Variants in IFI44L observed in about 807,000 individuals in gnomAD.
IFI44L encodes the protein interferon-induced protein 44-like.
IFI44L carries 40 observed loss-of-function variants against 39.3 expected under a neutral mutation model. The observed-to-expected ratio is 1.02, with a 90% CI of 0.79 to 1.33. The LOEUF (loss-of-function observed/expected upper bound fraction) is 1.33, where lower values mean the gene tolerates loss of function less well. IFI44L is among the 40% of genes most tolerant of loss of function. The pLI is 0.00. For synonymous variants in IFI44L, 198 were observed against 182.3 expected (o/e 1.09, Z -0.69); for missense variants, 623 against 549.0 (o/e 1.13, Z -1.35).
At position 78,635,490 on chromosome 1, in the gene IFI44L, G is replaced by C. The variant is rs754989895; in HGVS notation, c.876+1G>C. On this transcript the variant is annotated splice_donor_variant, in intron 5 of 8. Transcript: ENST00000370751. LOFTEE classifies it high-confidence loss of function. ...AGGTTGTATGCCAGACAGATATCAG[G>C]TAAGATTTCTTCAATATCCAAAACA... 1 of 1,608,624 alleles carries C rather than the reference G, an allele frequency of 6.2e-7. No homozygotes were observed. Among genetic ancestry groups the C allele is most frequent in the Non-Finnish European group, 8.5e-7 (1 of 1,178,092 alleles).
intron 1 of IFI44L, chr1:78,620,849 C>T: frequency 6.6e-6 from 1 of 152,070 alleles, no homozygotes; most frequent in Non-Finnish European, 1.5e-5. Flanking sequence ...AACCATTAAC[C>T]AACCTCTTTT....
rs1011289777 is a variant in IFI44L, at chr1:78,622,227, C to A, written c.-11+1656C>A. ...CTAGGTTATTTCACTTAATATTCTC[C>A]AGTTCCGTCCATGTTGCTGCAAATG... On this transcript the variant is annotated intron_variant, in intron 1 of 8. Coordinates refer to ENST00000370751, the MANE Select transcript of IFI44L (RefSeq NM_006820.4). Among the ~76,000 whole-genome samples, 9 of 152,232 alleles carry A rather than the reference C, an allele frequency of 5.9e-5. No homozygotes were observed. In the South Asian group the frequency reaches 1.7e-3, roughly 28 times the overall value.
intron 6 of IFI44L, among the ~76,000 whole-genome samples, chr1:78,638,727 G>A (rs921706521): frequency 1.3e-5 from 2 of 151,984 alleles, no homozygotes; most frequent in Non-Finnish European, 2.9e-5. Context: ...TTTCAAGAAT[G>A]TTCCTACTTG....
intron 4 of IFI44L, among the ~76,000 whole-genome samples, chr1:78,634,299 CAAAG>C (rs1652859678): frequency 6.6e-6 from 1 of 151,780 alleles, no homozygotes; most frequent in South Asian, 2.1e-4. Flanking sequence ...ATATCAAAGA[CAAAG>C]AGAGGATTCT....
chr1:78,627,174 A>G (rs1329718312), intron 1 of IFI44L: 1 of 151,962 alleles, frequency 6.6e-6, no homozygotes, highest in Non-Finnish European at 1.5e-5. Flanking sequence ...ACTTCTCCAA[A>G]TCTTTGCCAA....
chr1:78,635,701 A>T, intron 5 of IFI44L: 1 of 551,936 alleles, frequency 1.8e-6, no homozygotes, highest in African/African-American at 1.9e-5. Flanking sequence ...AAAAGGCAGG[A>T]TTCTACTCAT....
intron 1 of IFI44L, among the ~76,000 whole-genome samples, chr1:78,621,167 T>A (rs1652259760): frequency 6.6e-6 from 1 of 152,230 alleles, no homozygotes; most frequent in South Asian, 2.1e-4. Flanking sequence ...CTGATATAGT[T>A]TTATCCAATT....
At chr1:78,637,922 A>G (rs74402045) in intron 6 of IFI44L, among the ~76,000 whole-genome samples, 2,635 of 152,196 alleles carry the variant, frequency 0.017, 42 homozygotes, top group South Asian at 0.041. Flanking sequence ...TTGTGTGGAT[A>G]TAAGTTTTTA....
At position 78,643,285 on chromosome 1, in the gene IFI44L, C is replaced by T. The variant is rs1181410702; in HGVS notation, c.*1476C>T. 6.6e-6 allele frequency: 1 copy of T among 151,860 alleles called. No individual in the cohort carries two copies. The highest frequency in any genetic ancestry group is 1.5e-5 in the Non-Finnish European group (1 of 67,974). 9.4% of individuals were successfully genotyped at this position (151,860 alleles called of 1,614,324 possible). A position where few individuals can be genotyped will look rare whatever the true frequency, so the allele number is the denominator to read the frequency against. On this transcript the variant is annotated 3_prime_UTR_variant, in exon 9 of 9. Coordinates refer to ENST00000370751, the MANE Select transcript of IFI44L (RefSeq NM_006820.4). ...TAAAAAAGACCTAGGAATAGGAGAA[C>T]CATGGAAATTGAGGAGGTAGGCCTA... is the stretch of plus-strand genomic sequence containing the variant.
chr1:78,629,963 A>G, intron 4 of IFI44L, 48 bp downstream of exon 4: 1 of 1,492,576 alleles, frequency 6.7e-7, no homozygotes. Flanking sequence ...CAATTATTAT[A>G]TTGCTTATGT....
Position 78,642,249 on chromosome 1 carries a change from G to A in IFI44L, c.*440G>A, listed in dbSNP as rs1352396215. 1 of 163,842 alleles carries A rather than the reference G, an allele frequency of 6.1e-6. No homozygotes were observed. Among genetic ancestry groups the A allele is most frequent in the East Asian group, 1.8e-4 (1 of 5,700 alleles). The allele number at this position is 163,842 out of a possible 1,614,324, so 10.1% of individuals were successfully genotyped here. A position where few individuals can be genotyped will look rare whatever the true frequency, so the allele number is the denominator to read the frequency against. ...CTGTGTATTCACAGAGCTTAGCACA[G>A]TGCCTGGTAATGAGCAAGCATACTT... is the stretch of plus-strand genomic sequence containing the variant. On this transcript the variant is annotated 3_prime_UTR_variant, in exon 9 of 9. Transcript: ENST00000370751.
chr1:78,641,811 A>G lies in IFI44L; in HGVS notation c.*2A>G. 3 of 1,613,546 alleles carry G rather than the reference A, an allele frequency of 1.9e-6. No homozygotes were observed. Among genetic ancestry groups the G allele is most frequent in the Middle Eastern group, 3.3e-4 (2 of 6,054 alleles). ...AGAGCGTTACAGCCCTGCATTTGAG[A>G]TAAGTTGCCTTGATTCTGACATTTG... On this transcript the variant is annotated 3_prime_UTR_variant, in exon 9 of 9. Transcript: ENST00000370751.
chr1:78,640,913 C>T, intron 6 of IFI44L, 108 bp from the exon 7 acceptor site: 1 of 701,200 alleles, frequency 1.4e-6, no homozygotes, highest in African/African-American at 1.8e-5. Flanking sequence ...ATATTTCATT[C>T]TTCAGCTCTC....
intron 5 of IFI44L, 187 bp downstream of exon 5, chr1:78,635,676 T>C: frequency 1.7e-6 from 1 of 591,370 alleles, no homozygotes; most frequent in Non-Finnish European, 2.9e-6. Flanking sequence ...TTCTGTAACA[T>C]TGAGAAATAA....
chr1:78,633,741 T>C (rs1029706531), intron 4 of IFI44L, among the ~76,000 whole-genome samples: 3 of 151,946 alleles, frequency 2.0e-5, no homozygotes, highest in Non-Finnish European at 2.9e-5. Flanking sequence ...CCTAAAGAAA[T>C]GGAGATGTAT....
rs1055425762 is a variant in IFI44L at position 78,641,315 on chromosome 1, T to A, written c.1150-120T>A. 22 of 961,306 alleles carry A rather than the reference T, an allele frequency of 2.3e-5. No homozygotes were observed. In the Middle Eastern group the frequency reaches 1.2e-3, roughly 54 times the overall value. 59.5% of individuals were successfully genotyped at this position (961,306 alleles called of 1,614,324 possible). A position where few individuals can be genotyped will look rare whatever the true frequency, so the allele number is the denominator to read the frequency against. On this transcript the variant is annotated intron_variant, in intron 7 of 8. Coordinates refer to ENST00000370751, the MANE Select transcript of IFI44L (RefSeq NM_006820.4). ...CTGCAATGATCTGAATTATTGTATG[T>A]TCCGAAGATAACTTATTAAGCCATT...
intron 5 of IFI44L, 48 bp downstream of exon 5, chr1:78,635,537 A>G: frequency 1.9e-6 from 3 of 1,576,450 alleles, no homozygotes. Flanking sequence ...TTTCTTCAGT[A>G]TTTTTCATTG....
At position 78,643,391 on chromosome 1, in the gene IFI44L, G is replaced by C. The variant is rs1303239015; in HGVS notation, c.*1582G>C. ...TCACCAGAGTTGTTCTTATTGCACA[G>C]TAACACACCAATATACCAAAACAGC... On this transcript the variant is annotated 3_prime_UTR_variant, in exon 9 of 9. Transcript: ENST00000370751. 1 of 152,128 alleles carries C rather than the reference G, an allele frequency of 6.6e-6. No homozygotes were observed. The highest frequency in any genetic ancestry group is 2.4e-5 in the African/African-American group (1 of 41,438). 9.4% of individuals were successfully genotyped at this position (152,128 alleles called of 1,614,324 possible).
At chr1:78,633,967 A>C (rs1426638811) in intron 4 of IFI44L, among the ~76,000 whole-genome samples, 1 of 152,146 alleles carries the variant, frequency 6.6e-6, no homozygotes, top group Non-Finnish European at 1.5e-5. Flanking sequence ...TCAACAGCAG[A>C]ATTGATCAAG....
Sources: allele counts gnomAD v4.1 joint callset (sites outside exome capture counted in the v4.1 genomes callset), GRCh38; gene constraint gnomAD v4.1.1; transcripts MANE v1.5; gene names NCBI Gene and HGNC (gene_info 2026-07-23, HGNC 2026-07-21).